Variants in MACROD2 observed in about 807,000 individuals in gnomAD.
MACROD2 encodes ADP-ribose glycohydrolase MACROD2.
A neutral mutation model predicts 70.4 loss-of-function variants in MACROD2; 36 were observed. The ratio of observed to expected loss-of-function variants is 0.51; its 90% CI spans 0.39 to 0.68. MACROD2 has a LOEUF of 0.68. MACROD2 is among the 30% of genes least tolerant of loss of function. MACROD2 has a pLI of 0.00. For synonymous variants in MACROD2, 172 were observed against 178.8 expected (o/e 0.96, Z 0.30); for missense variants, 496 against 538.4 (o/e 0.92, Z 0.78).
At chr20:15,271,433 A>G (rs2077345468) in intron 6 of MACROD2, among the ~76,000 whole-genome samples, 2 of 152,224 alleles carry the variant, frequency 1.3e-5, no homozygotes. Flanking sequence ...GGACACAAAC[A>G]TTCAGGCCAT....
At chr20:14,434,431 G>C (rs1230968815) in intron 3 of MACROD2, among the ~76,000 whole-genome samples, 1 of 151,376 alleles carries the variant, frequency 6.6e-6, no homozygotes, top group Non-Finnish European at 1.5e-5. Context: ...CCCTTTCCCA[G>C]TATTAGGTGC....
At chr20:15,888,689 G>T (rs1262383344) in intron 10 of MACROD2, among the ~76,000 whole-genome samples, 1 of 152,110 alleles carries the variant, frequency 6.6e-6, no homozygotes, top group African/African-American at 2.4e-5. Context: ...ACCAGCAGCT[G>T]CATGCAGCTG....
intron 4 of MACROD2, among the ~76,000 whole-genome samples, chr20:14,664,240 A>T (rs1031824283): frequency 6.6e-6 from 1 of 152,114 alleles, no homozygotes; most frequent in African/African-American, 2.4e-5. Context: ...GCACAAAAAG[A>T]TACAACTGGA....
intron 3 of MACROD2, among the ~76,000 whole-genome samples, chr20:14,465,877 C>A (rs2084440151): frequency 6.6e-6 from 1 of 152,140 alleles, no homozygotes; most frequent in Non-Finnish European, 1.5e-5. Context: ...TCTGTTCTGA[C>A]TTGTAGAGTT....
chr20:15,986,209 A>G (rs2066480534), intron 13 of MACROD2, among the ~76,000 whole-genome samples: 1 of 152,200 alleles, frequency 6.6e-6, no homozygotes, highest in Non-Finnish European at 1.5e-5. Context: ...AGTATAAAAC[A>G]ATATAAAGCG....
intron 8 of MACROD2, among the ~76,000 whole-genome samples, chr20:15,601,665 GACCCTC>G (rs1404034217): frequency 6.6e-6 from 1 of 152,092 alleles, no homozygotes; most frequent in African/African-American, 2.4e-5. Context: ...CAAATATTCT[GACCCTC>G]AAGCATGACT....
intron 5 of MACROD2, among the ~76,000 whole-genome samples, chr20:14,974,746 C>G (rs1227299393): frequency 6.6e-6 from 1 of 151,998 alleles, no homozygotes; most frequent in African/African-American, 2.4e-5. Context: ...GCAGTTTGCA[C>G]TGCAAGTCCA....
intron 3 of MACROD2, among the ~76,000 whole-genome samples, chr20:14,493,157 A>G (rs1169268630): frequency 6.6e-6 from 1 of 151,974 alleles, no homozygotes; most frequent in Non-Finnish European, 1.5e-5. Context: ...ATTCTACTTG[A>G]TAAAATGGAG....
chr20:15,925,108 C>T (rs2065469494), intron 10 of MACROD2, among the ~76,000 whole-genome samples: 1 of 152,208 alleles, frequency 6.6e-6, no homozygotes, highest in Non-Finnish European at 1.5e-5. Context: ...ATGTGCATAT[C>T]TGAGAACTGG....
At chr20:14,486,513 C>CCTTTT (rs1555795563) in intron 3 of MACROD2, among the ~76,000 whole-genome samples, 1 of 97,064 alleles carries the variant, frequency 1.0e-5, no homozygotes, top group African/African-American at 4.0e-5. Context: ...AAATAGCCAA[C>CCTTTT]TTTTTATTTT....
intron 6 of MACROD2, among the ~76,000 whole-genome samples, chr20:15,341,191 T>A (rs2078107041): frequency 6.6e-6 from 1 of 152,186 alleles, no homozygotes; most frequent in African/African-American, 2.4e-5. Context: ...CATAAAACGG[T>A]TAGAAAGTAT....
At chr20:14,868,553 G>A (rs1269018311) in intron 5 of MACROD2, among the ~76,000 whole-genome samples, 1 of 152,012 alleles carries the variant, frequency 6.6e-6, no homozygotes, top group Non-Finnish European at 1.5e-5. Flanking sequence ...CAGATGACTT[G>A]AGCTTTCAAA....
intron 15 of MACROD2, among the ~76,000 whole-genome samples, chr20:16,018,268 A>G (rs1445696353): frequency 6.6e-6 from 1 of 152,154 alleles, no homozygotes; most frequent in Non-Finnish European, 1.5e-5. Flanking sequence ...CGGTTTAGGT[A>G]CTCATTTCAG....
Position 13,995,857 on chromosome 20 carries a change from T to TTGGGGG in MACROD2, c.46+48_46+49insTGGGGG. ...GGGGTGCGGGCGGTGGGGGTTAGGG[T>TTGGGGG]GGGGGCGGGGGTCAGGCTGTGTGTG... is the stretch of plus-strand genomic sequence containing the variant. On this transcript the variant is annotated intron_variant, in intron 1 of 17. Coordinates refer to ENST00000684519, the MANE Select transcript of MACROD2 (RefSeq NM_001351661.2). This position sits in a 1 kb window ranked among gnomAD's most constrained non-coding sequence, Gnocchi z 4.3. 1.1e-5 allele frequency: 3 copies of TTGGGGG among 284,146 alleles called. No homozygotes were observed. Among genetic ancestry groups the TTGGGGG allele is most frequent in the Non-Finnish European group, 1.9e-5 (3 of 155,020 alleles). 17.6% of individuals were successfully genotyped at this position (284,146 alleles called of 1,614,324 possible).
chr20:15,329,371 A>G (rs1400541150), intron 6 of MACROD2, among the ~76,000 whole-genome samples: 1 of 152,076 alleles, frequency 6.6e-6, no homozygotes, highest in African/African-American at 2.4e-5. Flanking sequence ...ACATGAATAC[A>G]TTGCTCATCT....
intron 5 of MACROD2, among the ~76,000 whole-genome samples, chr20:14,990,501 T>A (rs1343925703): frequency 2.6e-5 from 4 of 151,060 alleles, no homozygotes; most frequent in Non-Finnish European, 5.9e-5. Context: ...TGTTTCCTTT[T>A]TTTTTTTCTT....
At chr20:14,197,549 C>A (rs1275417880) in intron 3 of MACROD2, among the ~76,000 whole-genome samples, 2 of 152,096 alleles carry the variant, frequency 1.3e-5, no homozygotes, top group Non-Finnish European at 2.9e-5. Context: ...GGGCAGATCA[C>A]CTGAGGTTGG....
At chr20:15,307,780 A>G (rs118182252) in intron 6 of MACROD2, among the ~76,000 whole-genome samples, 1,606 of 152,314 alleles carry the variant, frequency 0.011, 11 homozygotes, top group Middle Eastern at 0.031. Flanking sequence ...CCAATACAAG[A>G]TAACATATTA....
intron 5 of MACROD2, among the ~76,000 whole-genome samples, chr20:15,174,417 G>A (rs1370089258): frequency 1.3e-5 from 2 of 151,644 alleles, no homozygotes; most frequent in Non-Finnish European, 2.9e-5. Flanking sequence ...TGGACATTTG[G>A]GTTGGTTCCA....
Sources: gnomAD v4.1 joint callset for allele counts (sites outside exome capture counted in the v4.1 genomes callset) on GRCh38, gnomAD v4.1.1 for gene constraint, Gnocchi (gnomAD v3.1) non-coding constraint, MANE v1.5 for transcripts, NCBI Gene and HGNC (gene_info 2026-07-23, HGNC 2026-07-21) for gene names.